The following NR2C2 variants were observed in gnomAD, a reference collection of about 807,000 sequenced individuals.
The protein encoded by NR2C2 is nuclear receptor subfamily 2 group C member 2.
Under a neutral mutation model 62.9 loss-of-function variants are expected in NR2C2, and 6 were observed. The ratio of observed to expected loss-of-function variants is 0.10; its 90% confidence interval spans 0.05 to 0.19. The LOEUF is 0.19. Ranked by LOEUF, NR2C2 falls within the 10% of genes least tolerant of loss-of-function variation. NR2C2 has a pLI of 1.00. For missense variants in NR2C2, 479 were observed against 762.7 expected (o/e 0.63, Z 4.38); for synonymous variants, 272 against 273.8 (o/e 0.99, Z 0.07).
At chr3:14,974,354 T>G (rs1260953996) in intron 1 of NR2C2, among the ~76,000 whole-genome samples, 2 of 152,192 alleles carry the variant, frequency 1.3e-5, no homozygotes, top group African/African-American at 2.4e-5. Flanking sequence ...TTTTCAAGGT[T>G]GTTCTGGTTG....
chr3:14,972,742 T>A (rs2040081645), intron 1 of NR2C2, among the ~76,000 whole-genome samples: 1 of 152,120 alleles, frequency 6.6e-6, no homozygotes, highest in Non-Finnish European at 1.5e-5. Context: ...CACGGCAGCA[T>A]CTGCTTCTGG....
intron 4 of NR2C2, among the ~76,000 whole-genome samples, chr3:15,019,712 T>C (rs1189663768): frequency 6.6e-6 from 1 of 151,688 alleles, no homozygotes; most frequent in Non-Finnish European, 1.5e-5. Flanking sequence ...AAAAAATTGA[T>C]ATCATAGAAA....
At chr3:14,953,294 C>A (rs1465505493) in intron 1 of NR2C2, among the ~76,000 whole-genome samples, 1 of 152,170 alleles carries the variant, frequency 6.6e-6, no homozygotes, top group East Asian at 1.9e-4. Flanking sequence ...CTCAAAGATT[C>A]TAATCCCTGA....
At chr3:15,024,883 C>G (rs1284245285) in intron 7 of NR2C2, among the ~76,000 whole-genome samples, 1 of 152,204 alleles carries the variant, frequency 6.6e-6, no homozygotes, top group Non-Finnish European at 1.5e-5. Flanking sequence ...CCATTAGAAC[C>G]AGAGCAAGGC....
rs2042455867 is a variant in NR2C2, at chr3:15,046,489, C to T, written c.*3481C>T. The stretch of plus-strand genomic sequence containing the variant: ...TAGCTGTTTCTAGTGCTTTTACTTT[C>T]ATAGTCCTTTGAGGACATTTCCTGC... On this transcript the variant is annotated 3_prime_UTR_variant, in exon 14 of 14. Transcript: ENST00000425241. 6.6e-6 allele frequency: 1 copy of T among 152,258 alleles called. No individual in the cohort carries two copies. The highest frequency in any genetic ancestry group is 6.5e-5 in the Admixed American group (1 of 15,288). The allele number at this position is 152,258 out of a possible 1,614,324, so 9.4% of individuals were successfully genotyped here.
chr3:14,991,743 T>TTTTTTCTTTTTTTTTTTTC (rs1382436535), intron 1 of NR2C2, among the ~76,000 whole-genome samples: 1 of 150,524 alleles, frequency 6.6e-6, no homozygotes, highest in African/African-American at 2.4e-5. Context: ...TTTTAATCCC[T>TTTTTTCTTTTTTTTTTTTC]TTTTTCTTTT....
chr3:15,038,333 T>C (rs1487254697), intron 12 of NR2C2, 196 bp downstream of exon 12: 13 of 488,408 alleles, frequency 2.7e-5, no homozygotes, highest in Non-Finnish European at 3.6e-5. Context: ...CAAAGAAATA[T>C]GCTGCAGTGC....
chr3:14,957,764 A>G (rs185401069), intron 1 of NR2C2, among the ~76,000 whole-genome samples: 1 of 152,046 alleles, frequency 6.6e-6, no homozygotes, highest in African/African-American at 2.4e-5. Context: ...CCTCCCATCT[A>G]CAGTCTCTGT....
chr3:15,042,172 C>G (rs2042293261), intron 13 of NR2C2, among the ~76,000 whole-genome samples: 1 of 152,164 alleles, frequency 6.6e-6, no homozygotes, highest in South Asian at 2.1e-4. Context: ...ACGTGGGACA[C>G]TTGAGATACA....
At chr3:15,005,811 C>G (rs1406282210) in intron 2 of NR2C2, among the ~76,000 whole-genome samples, 1 of 151,944 alleles carries the variant, frequency 6.6e-6, no homozygotes, top group East Asian at 1.9e-4. Flanking sequence ...TACATAATTT[C>G]ATAAGGGTCT....
chr3:14,947,942 G>T (rs1461624105), intron 1 of NR2C2, 36 bp downstream of exon 1: 1 of 150,994 alleles, frequency 6.6e-6, no homozygotes, highest in Admixed American at 6.6e-5. Context: ...GCTCGGGCCG[G>T]CGGCGGAGGG....
intron 11 of NR2C2, among the ~76,000 whole-genome samples, chr3:15,036,665 A>G (rs1215859194): frequency 2.0e-5 from 3 of 152,020 alleles, no homozygotes; most frequent in Non-Finnish European, 2.9e-5. Flanking sequence ...TAATTTTTAT[A>G]TTTTTTAATA....
chr3:14,968,551 T>C (rs1458246895), intron 1 of NR2C2, among the ~76,000 whole-genome samples: 2 of 150,552 alleles, frequency 1.3e-5, no homozygotes, highest in Non-Finnish European at 3.0e-5. Context: ...TGTAAACTAG[T>C]TCAACCATTG....
At chr3:14,975,146 A>G (rs964639190) in intron 1 of NR2C2, among the ~76,000 whole-genome samples, 1 of 152,180 alleles carries the variant, frequency 6.6e-6, no homozygotes, top group African/African-American at 2.4e-5. Flanking sequence ...TTAGAGTTGT[A>G]CATATAAGGT....
chr3:14,983,890 A>G (rs1366138852), intron 1 of NR2C2, among the ~76,000 whole-genome samples: 1 of 151,746 alleles, frequency 6.6e-6, no homozygotes, highest in Non-Finnish European at 1.5e-5. Flanking sequence ...TTTTATTATT[A>G]TATTTTTTTA....
intron 1 of NR2C2, among the ~76,000 whole-genome samples, chr3:14,964,234 A>G (rs924352836): frequency 6.6e-6 from 1 of 152,254 alleles, no homozygotes; most frequent in African/African-American, 2.4e-5. Context: ...AATATTAAAT[A>G]TTGAAATAAA....
At chr3:15,035,913 A>G (rs140573737) in intron 11 of NR2C2, among the ~76,000 whole-genome samples, 2,076 of 152,364 alleles carry the variant, frequency 0.014, 17 homozygotes, top group Middle Eastern at 0.027. Flanking sequence ...CTGTAATCCC[A>G]GCTACTTGGG....
chr3:15,046,130 AT>A lies in NR2C2; in HGVS notation c.*3125del, dbSNP rs1209908374. ...ACCTACCATACTCTCCTAATTTGAC[AT>A]TTCTGTGTCCTGAGGAGTTACATTT... On this transcript the variant is annotated 3_prime_UTR_variant, in exon 14 of 14. Transcript: ENST00000425241. The A allele has an allele frequency of 6.6e-6, 1 of 152,342 alleles. No individual in the cohort carries two copies. The highest frequency in any genetic ancestry group is 1.9e-4 in the East Asian group (1 of 5,188). The allele number at this position is 152,342 out of a possible 1,614,324, so 9.4% of individuals were successfully genotyped here.
rs2042397894 is a variant in NR2C2 at position 15,044,898 on chromosome 3, A to G, written c.*1890A>G. On this transcript the variant is annotated 3_prime_UTR_variant, in exon 14 of 14. Transcript: ENST00000425241. Reference sequence around the variant, plus strand: ...AGGGTAAGTGGGAACAGTGTTTCCAACTTCTAAATTCTTGTTTGGATTTAA... The same window carrying G: ...AGGGTAAGTGGGAACAGTGTTTCCAGCTTCTAAATTCTTGTTTGGATTTAA... 6.6e-6 allele frequency: 1 copy of G among 152,244 alleles called. No individual in the cohort carries two copies. Among genetic ancestry groups the G allele is most frequent in the African/African-American group, 2.4e-5 (1 of 41,474 alleles). The allele number at this position is 152,244 out of a possible 1,614,324, so 9.4% of individuals were successfully genotyped here.
Sources: gnomAD v4.1 joint callset for allele counts (sites outside exome capture counted in the v4.1 genomes callset) on GRCh38, gnomAD v4.1.1 for gene constraint, MANE v1.5 for transcripts, NCBI Gene and HGNC (gene_info 2026-07-23, HGNC 2026-07-21) for gene names.